The following FUNDC2 variants were observed in gnomAD, a reference collection of about 807,000 sequenced individuals.
FUNDC2 encodes the protein FUN14 domain containing 2.
Under a neutral mutation model 15.6 loss-of-function variants are expected in FUNDC2, and 4 were observed. That is an observed-to-expected ratio of 0.26 (90% confidence interval 0.13 to 0.59). The LOEUF (loss-of-function observed/expected upper bound fraction) is 0.59. Among genes scored for constraint, FUNDC2 ranks in the 20% least tolerant of loss-of-function variants. The pLI is 0.90. For synonymous variants in FUNDC2, 44 were observed against 56.9 expected, an observed-to-expected ratio of 0.77 and a Z score of 1.02; for missense variants, 98 against 149.7, an observed-to-expected ratio of 0.65 and a Z score of 1.80.
Position 155,026,953 on chromosome X carries a change from C to T in FUNDC2, c.15C>T (p.Ala5=). Residue 5 remains alanine, a synonymous_variant, in exon 1 of 5, where the codon GCC becomes GCT. Coordinates refer to ENST00000369498, the MANE Select transcript of FUNDC2 (RefSeq NM_023934.4). ...CCGCCGTGGGAATGGAAACATCTGC[C>T]CCACGTGCCGGAAGCCAAGTGGTGG... The part of the protein sequence containing the change: METS[A]PRAGSQVVAT... 12 of 1,196,575 alleles carry T rather than the reference C, an allele frequency of 1.0e-5. No individual in the cohort carries two copies. The highest frequency in any genetic ancestry group is 1.3e-5 in the Non-Finnish European group (12 of 889,656).
At chrX:155,038,390 T>G (rs1395126603) in intron 2 of FUNDC2, among the ~76,000 whole-genome samples, 6 of 112,049 alleles carry the variant, frequency 5.4e-5, no homozygotes, top group African/African-American at 1.9e-4. Context: ...TAAAACCTAC[T>G]CTTATAGCAA....
chrX:155,029,380 A>G (rs1557288528), intron 1 of FUNDC2, among the ~76,000 whole-genome samples: 2 of 112,322 alleles, frequency 1.8e-5, no homozygotes, highest in African/African-American at 6.5e-5. Context: ...AATTTGTAGT[A>G]CAGCCGAAGT....
At position 155,060,210 on chromosome X, in the gene FUNDC2, G is replaced by A. The variant is rs1454670913; in HGVS notation, c.*5538G>A. 1 of 112,308 alleles carries A rather than the reference G, an allele frequency of 8.9e-6. No individual in the cohort carries two copies. Among genetic ancestry groups the A allele is most frequent in the African/African-American group, 3.2e-5 (1 of 30,861 alleles). The allele number at this position is 112,308 out of a possible 1,213,427, so 9.3% of individuals were successfully genotyped here. A position where few individuals can be genotyped will look rare whatever the true frequency, so the allele number is the denominator to read the frequency against. ...AAAACAATCTATTTGATCATGTAGT[G>A]ATTCCTAATGTAAATCCTAGTACAA... On this transcript the variant is annotated 3_prime_UTR_variant, in exon 5 of 5. Coordinates refer to ENST00000369498, the MANE Select transcript of FUNDC2 (RefSeq NM_023934.4).
chrX:155,048,063 T>G (rs1399247646), intron 3 of FUNDC2, among the ~76,000 whole-genome samples: 1 of 111,867 alleles, frequency 8.9e-6, no homozygotes, highest in Non-Finnish European at 1.9e-5. Context: ...AACATTTTAA[T>G]ATTGCTTTGA....
At chrX:155,046,803 C>T (rs782335515) in intron 3 of FUNDC2, among the ~76,000 whole-genome samples, 7 of 112,406 alleles carry the variant, frequency 6.2e-5, no homozygotes, top group East Asian at 2.8e-4. Flanking sequence ...CCTCATGTGG[C>T]GACAGAAGTG....
chrX:155,057,626 G>A lies in FUNDC2; in HGVS notation c.*2954G>A, dbSNP rs1325510943. 8.9e-6 allele frequency: 1 copy of A among 111,922 alleles called. No individual in the cohort carries two copies. The highest frequency in any genetic ancestry group is 1.9e-5 in the Non-Finnish European group (1 of 53,111). 9.2% of individuals were successfully genotyped at this position (111,922 alleles called of 1,213,427 possible). A position where few individuals can be genotyped will look rare whatever the true frequency, so the allele number is the denominator to read the frequency against. ...ACGTAGTGAAGGCTTCCCTTCCCTT[G>A]TCCTGCAGCGTGCTGGACAGTGTCC... On this transcript the variant is annotated 3_prime_UTR_variant, in exon 5 of 5. Transcript: ENST00000369498.
At chrX:155,030,403 A>G (rs2073811132) in intron 1 of FUNDC2, among the ~76,000 whole-genome samples, 1 of 105,528 alleles carries the variant, frequency 9.5e-6, no homozygotes, top group South Asian at 4.3e-4. Context: ...TCAGTTGGTC[A>G]TAGTGGTGCA....
In FUNDC2 at chrX:155,055,410, G is replaced by C. The variant is rs2073891203; in HGVS notation, c.*738G>C. 3.4e-6 allele frequency: 1 copy of C among 292,626 alleles called. No individual in the cohort carries two copies. The allele number at this position is 292,626 out of a possible 1,213,427, so 24.1% of individuals were successfully genotyped here. ...TGAAATATCCTTATCAAAACATTAG[G>C]GGTGGCCATAACTCCTCTGTGCCAC... On this transcript the variant is annotated 3_prime_UTR_variant, in exon 5 of 5. Coordinates refer to ENST00000369498, the MANE Select transcript of FUNDC2 (RefSeq NM_023934.4).
intron 2 of FUNDC2, among the ~76,000 whole-genome samples, chrX:155,034,224 C>A (rs2073824356): frequency 8.9e-6 from 1 of 112,642 alleles, no homozygotes; most frequent in Non-Finnish European, 1.9e-5. Context: ...GTTTTAACAC[C>A]AGTTATGTCA....
rs1206632188 is a variant in FUNDC2, at chrX:155,054,217, A to G, written c.493-378A>G. 3 of 751,154 alleles carry G rather than the reference A, an allele frequency of 4.0e-6. No homozygotes were observed. The African/African-American group carries it at 7.0e-5, about 18-fold the overall frequency. 61.9% of individuals were successfully genotyped at this position (751,154 alleles called of 1,213,427 possible). On this transcript the variant is annotated intron_variant, in intron 4 of 4. Transcript: ENST00000369498. ...AAGAGGATGGAAGGAGCAAAATTGG[A>G]AACAGAATTGCCTCTGTAACCAGTT...
intron 1 of FUNDC2, among the ~76,000 whole-genome samples, chrX:155,031,859 C>T (rs1603438402): frequency 8.9e-6 from 1 of 112,044 alleles, no homozygotes; most frequent in East Asian, 2.8e-4. Context: ...TCCAGGGAAA[C>T]AGGGCTGGGT....
At chrX:155,046,643 G>C in intron 3 of FUNDC2, 59 bp downstream of exon 3, 2 of 937,384 alleles carry the variant, frequency 2.1e-6, no homozygotes, top group Non-Finnish European at 3.1e-6. Flanking sequence ...TAAGGAATGT[G>C]GTGTGGGGAG....
intron 1 of FUNDC2, among the ~76,000 whole-genome samples, chrX:155,032,643 G>A (rs1330995711): frequency 9.0e-6 from 1 of 111,196 alleles, no homozygotes; most frequent in African/African-American, 3.3e-5. Context: ...TTAATTAGAT[G>A]TACATGATTA....
At position 155,054,840 on chromosome X, in the gene FUNDC2, A is replaced by G; in HGVS notation, c.*168A>G. ...TGCTGGTACAAGTCAATGTGGCACC[A>G]TGAGCTTCATGGTGGCAGAAGAGAC... On this transcript the variant is annotated 3_prime_UTR_variant, in exon 5 of 5. Coordinates refer to ENST00000369498, the MANE Select transcript of FUNDC2 (RefSeq NM_023934.4). The G allele has an allele frequency of 2.2e-6, 1 of 462,421 alleles. No individual in the cohort carries two copies. Among genetic ancestry groups the G allele is most frequent in the South Asian group, 3.3e-5 (1 of 29,947 alleles). 38.1% of individuals were successfully genotyped at this position (462,421 alleles called of 1,213,427 possible). A position where few individuals can be genotyped will look rare whatever the true frequency, so the allele number is the denominator to read the frequency against.
chrX:155,031,933 C>G (rs2073816225), intron 1 of FUNDC2, among the ~76,000 whole-genome samples: 1 of 110,868 alleles, frequency 9.0e-6, no homozygotes, highest in Admixed American at 9.5e-5. Context: ...TTAAGTCTTT[C>G]TCCATGCTTG....
intron 2 of FUNDC2, among the ~76,000 whole-genome samples, chrX:155,045,940 T>C (rs782320055): frequency 9.0e-6 from 1 of 111,142 alleles, no homozygotes; most frequent in East Asian, 2.8e-4. Flanking sequence ...AGATATCATA[T>C]GGACATTTTG....
At chrX:155,037,914 A>T (rs1049494616) in intron 2 of FUNDC2, among the ~76,000 whole-genome samples, 2 of 111,025 alleles carry the variant, frequency 1.8e-5, no homozygotes, top group Non-Finnish European at 3.8e-5. Context: ...TTTATTTTTA[A>T]AATTCTTTTA....
chrX:155,036,446 C>G (rs1334421259), intron 2 of FUNDC2, among the ~76,000 whole-genome samples: 2 of 111,841 alleles, frequency 1.8e-5, no homozygotes, highest in Non-Finnish European at 3.8e-5. Context: ...TATATTACTT[C>G]TCTGTAGCTT....
At chrX:155,040,299 C>T (rs2073843045) in intron 2 of FUNDC2, among the ~76,000 whole-genome samples, 1 of 111,800 alleles carries the variant, frequency 8.9e-6, no homozygotes, top group South Asian at 3.7e-4. Context: ...TTATCACCTC[C>T]AAATAAAACT....
Sources: gnomAD v4.1 joint callset for allele counts (sites outside exome capture counted in the v4.1 genomes callset) on GRCh38, gnomAD v4.1.1 for gene constraint, MANE v1.5 for transcripts, NCBI Gene and HGNC (gene_info 2026-07-23, HGNC 2026-07-21) for gene names.